Variants in STXBP4 observed in about 807,000 individuals in gnomAD.
STXBP4 encodes the protein syntaxin binding protein 4.
A neutral mutation model predicts 76.1 loss-of-function variants in STXBP4; 55 were observed. The observed-to-expected ratio is 0.72, with a 90% confidence interval of 0.58 to 0.91. The LOEUF (loss-of-function observed/expected upper bound fraction) is 0.91. Among genes scored for constraint, STXBP4 ranks in the 40% least tolerant of loss-of-function variants. The pLI, the probability that STXBP4 is intolerant of heterozygous loss-of-function variation, is 0.00. For synonymous variants in STXBP4, 201 were observed against 220.2 expected, an observed-to-expected ratio of 0.91 and a Z score of 0.77; for missense variants, 618 against 636.9, an observed-to-expected ratio of 0.97 and a Z score of 0.32.
chr17:55,129,511 T>C (rs981298231), intron 16 of STXBP4, among the ~76,000 whole-genome samples: 1 of 152,254 alleles, frequency 6.6e-6, no homozygotes, highest in East Asian at 1.9e-4. Context: ...GAAGATCCCT[T>C]GAGCCCAGGA....
intron 12 of STXBP4, among the ~76,000 whole-genome samples, chr17:55,066,484 A>G (rs2079052857): frequency 6.6e-6 from 1 of 152,150 alleles, no homozygotes; most frequent in African/African-American, 2.4e-5. Flanking sequence ...TTGGCCTTTC[A>G]AAGTGCTAGG....
At chr17:55,152,088 G>A (rs1367899364) in intron 17 of STXBP4, among the ~76,000 whole-genome samples, 3 of 152,108 alleles carry the variant, frequency 2.0e-5, no homozygotes, top group Middle Eastern at 3.2e-3. Context: ...TTACCAAGTC[G>A]GAAGATTGTT....
intron 1 of STXBP4, among the ~76,000 whole-genome samples, chr17:54,971,274 T>A (rs1054137840): frequency 3.9e-5 from 6 of 152,218 alleles, no homozygotes; most frequent in African/African-American, 9.6e-5. Context: ...TGTAGTCAGC[T>A]TGGACTACCA....
chr17:55,039,276 AG>A (rs1438583826), intron 10 of STXBP4, among the ~76,000 whole-genome samples: 1 of 152,132 alleles, frequency 6.6e-6, no homozygotes, highest in Admixed American at 6.6e-5. Context: ...TCAAGAGGTG[AG>A]TAGGGAGTGA....
chr17:55,005,349 G>T (rs1324643600), intron 7 of STXBP4, among the ~76,000 whole-genome samples: 1 of 152,132 alleles, frequency 6.6e-6, no homozygotes, highest in Non-Finnish European at 1.5e-5. Context: ...TGTAACCTAG[G>T]CTAATTTCTT....
chr17:54,975,936 C>T (rs1332875358), intron 1 of STXBP4, among the ~76,000 whole-genome samples: 1 of 152,124 alleles, frequency 6.6e-6, no homozygotes, highest in Non-Finnish European at 1.5e-5. Context: ...CTAAATTAGC[C>T]CTTCTCTCCT....
At chr17:55,141,272 A>G (rs1214008370) in intron 16 of STXBP4, 38 bp from the exon 17 acceptor site, 1 of 1,536,256 alleles carries the variant, frequency 6.5e-7, no homozygotes, top group South Asian at 1.1e-5. Flanking sequence ...TATCTTTATC[A>G]TCTTATTAAA....
chr17:55,205,550 CACACACACACAA>C, the STXBP4 span, among the ~76,000 whole-genome samples: 7 of 151,846 alleles, frequency 4.6e-5, no homozygotes, highest in Non-Finnish European at 1.5e-5. Context: ...AATGCACACA[CACACACACACAA>C]ACACACACAC....
At chr17:55,136,856 C>T (rs1431728970) in intron 16 of STXBP4, among the ~76,000 whole-genome samples, 1 of 152,064 alleles carries the variant, frequency 6.6e-6, no homozygotes, top group Non-Finnish European at 1.5e-5. Context: ...ACGGAGGTTT[C>T]CCCTATAAAC....
chr17:55,017,196 G>T (rs1598209466), intron 8 of STXBP4, among the ~76,000 whole-genome samples: 1 of 151,926 alleles, frequency 6.6e-6, no homozygotes, highest in African/African-American at 2.4e-5. Context: ...TTCTCTCTTC[G>T]ACTCTCTTTT....
At chr17:55,192,135 T>TA in the STXBP4 span, among the ~76,000 whole-genome samples, 1 of 152,108 alleles carries the variant, frequency 6.6e-6, no homozygotes, top group Non-Finnish European at 1.5e-5. Flanking sequence ...TTGAATCCAA[T>TA]AAAAAATTCT....
intron 4 of STXBP4, among the ~76,000 whole-genome samples, chr17:54,993,556 A>G (rs890809821): frequency 1.3e-5 from 2 of 152,248 alleles, no homozygotes; most frequent in African/African-American, 4.8e-5. Context: ...AGCTCTATGC[A>G]TATGCATATT....
chr17:55,130,819 T>G (rs2079966291), intron 16 of STXBP4, among the ~76,000 whole-genome samples: 1 of 152,222 alleles, frequency 6.6e-6, no homozygotes. Flanking sequence ...TAATCTCCTC[T>G]AGATTCACCC....
chr17:54,997,929 AT>A (rs1430522062), intron 4 of STXBP4, among the ~76,000 whole-genome samples: 1 of 151,918 alleles, frequency 6.6e-6, no homozygotes, highest in East Asian at 1.9e-4. Flanking sequence ...TGGCTTAAGT[AT>A]TTTAAATAAT....
chr17:55,196,942 G>A, the STXBP4 span, among the ~76,000 whole-genome samples: 1 of 152,180 alleles, frequency 6.6e-6, no homozygotes, highest in Non-Finnish European at 1.5e-5. Flanking sequence ...GTTTCTAATA[G>A]ATCCAGCCAA....
chr17:54,986,311 G>A (rs999650510), intron 3 of STXBP4, 45 bp downstream of exon 3: 4 of 1,407,766 alleles, frequency 2.8e-6, no homozygotes, highest in Non-Finnish European at 4.0e-6. Context: ...TTTGAAATAT[G>A]TAAACTATTA....
At chr17:55,175,920 C>T (rs1262344984), downstream of STXBP4, among the ~76,000 whole-genome samples, 1 of 152,186 alleles carries the variant, frequency 6.6e-6, no homozygotes, top group African/African-American at 2.4e-5. Flanking sequence ...CCAGGGGAGA[C>T]AATCTATAGG....
At chr17:55,195,316 T>C in the STXBP4 span, among the ~76,000 whole-genome samples, 1 of 152,196 alleles carries the variant, frequency 6.6e-6, no homozygotes, top group Non-Finnish European at 1.5e-5. Context: ...CAAAACCCTC[T>C]ACCTCCATGA....
At chr17:54,973,408 T>A (rs559094518) in intron 1 of STXBP4, among the ~76,000 whole-genome samples, 1 of 152,368 alleles carries the variant, frequency 6.6e-6, no homozygotes, top group African/African-American at 2.4e-5. Flanking sequence ...CGTGGTTAGA[T>A]GCCTATTTGT....
Sources: gnomAD v4.1 joint callset for allele counts (sites outside exome capture counted in the v4.1 genomes callset) on GRCh38, gnomAD v4.1.1 for gene constraint, MANE v1.5 for transcripts, NCBI Gene and HGNC (gene_info 2026-07-23, HGNC 2026-07-21) for gene names.